CENPO: variants seen among roughly 807,000 people sequenced by gnomAD.
CENPO encodes the protein centromere protein O, also known as centromeric protein O.
CENPO carries 30 observed loss-of-function variants against 36.1 expected under a neutral mutation model. The observed-to-expected ratio is 0.83, with a 90% CI of 0.62 to 1.13. CENPO has a LOEUF of 1.13. Among genes scored for constraint, CENPO ranks in the 50% most tolerant of loss-of-function variants. The probability of loss-of-function intolerance (pLI) is 0.00; values close to 1 mark genes in which losing one functional copy is unlikely to be tolerated. For synonymous variants in CENPO, 171 were observed against 142.3 expected (o/e 1.20, Z -1.44); for missense variants, 349 against 357.8 (o/e 0.98, Z 0.20).
rs899618068 is a variant in CENPO at position 24,819,687 on chromosome 2, C to T, written c.*369C>T. ...GGGGCAAGGACGGCAGGGATTGGAA[C>T]GAGGGCTCTGGAAGGACTGTTCAGC... On this transcript the variant is annotated 3_prime_UTR_variant, in exon 8 of 8. Coordinates refer to ENST00000380834, the MANE Select transcript of CENPO (RefSeq NM_001322101.2). 8.9e-5 allele frequency: 38 copies of T among 426,356 alleles called. No homozygotes were observed. The highest frequency in any genetic ancestry group is 4.1e-5 in the African/African-American group (2 of 48,294). The allele number at this position is 426,356 out of a possible 1,614,324, so 26.4% of individuals were successfully genotyped here. A position where few individuals can be genotyped will look rare whatever the true frequency, so the allele number is the denominator to read the frequency against.
chr2:24,811,560 C>T (rs1161380603), intron 3 of CENPO, among the ~76,000 whole-genome samples: 2 of 151,956 alleles, frequency 1.3e-5, no homozygotes, highest in Non-Finnish European at 1.5e-5. Context: ...CTCCTGGGTT[C>T]ATGCCATTCT....
intron 5 of CENPO, chr2:24,816,062 G>A (rs1194147626): frequency 3.4e-5 from 13 of 378,754 alleles, no homozygotes; most frequent in East Asian, 1.2e-4. Context: ...GATTTATGGC[G>A]TGCCTACTAT....
At chr2:24,811,611 G>A (rs1366467639) in intron 3 of CENPO, among the ~76,000 whole-genome samples, 5 of 151,954 alleles carry the variant, frequency 3.3e-5, no homozygotes, top group East Asian at 3.9e-4. Context: ...ACAGGCGCCC[G>A]CCACCACGCC....
chr2:24,817,932 G>A, intron 7 of CENPO, 91 bp downstream of exon 7: 1 of 1,043,742 alleles, frequency 9.6e-7, no homozygotes. Context: ...ACACCTACCT[G>A]TTCATCTGGA....
rs551340071 is a variant in CENPO at position 24,803,684 on chromosome 2, G to A, written c.216+3840G>A. ...TGAGTTGTAGTTTGATTGCACTGTCGTCTGAGAGACAGTTTGTTATAATTT... is the reference window on the plus strand; with the variant it reads ...TGAGTTGTAGTTTGATTGCACTGTCATCTGAGAGACAGTTTGTTATAATTT... On this transcript the variant is annotated intron_variant, in intron 3 of 7. Transcript: ENST00000380834. Among the ~76,000 whole-genome samples, 14 of 152,298 alleles carry A rather than the reference G, an allele frequency of 9.2e-5. No homozygotes were observed. The South Asian group carries it at 2.3e-3, about 25-fold the overall frequency.
At chr2:24,818,264 G>C (rs1374313547) in intron 7 of CENPO, among the ~76,000 whole-genome samples, 1 of 152,158 alleles carries the variant, frequency 6.6e-6, no homozygotes, top group African/African-American at 2.4e-5. Context: ...GGCTCTCACA[G>C]AAATGTAGCA....
chr2:24,821,096 A>G lies in CENPO; in HGVS notation c.*1778A>G, dbSNP rs1667619757. ...CTCGGCATGGTAGTGGCCAGCTTCTAACACAGCTGGTATTTCAAGTCTCCT... is the reference window on the plus strand; with the variant it reads ...CTCGGCATGGTAGTGGCCAGCTTCTGACACAGCTGGTATTTCAAGTCTCCT... On this transcript the variant is annotated 3_prime_UTR_variant, in exon 8 of 8. Transcript: ENST00000380834. 7.8e-6 allele frequency: 4 copies of G among 515,298 alleles called. No homozygotes were observed. Among genetic ancestry groups the G allele is most frequent in the Admixed American group, 3.6e-5 (1 of 27,890 alleles). 31.9% of individuals were successfully genotyped at this position (515,298 alleles called of 1,614,324 possible).
At chr2:24,805,521 G>A (rs182430057) in intron 3 of CENPO, among the ~76,000 whole-genome samples, 1 of 152,284 alleles carries the variant, frequency 6.6e-6, no homozygotes, top group African/African-American at 2.4e-5. Flanking sequence ...TGTCCTTTCT[G>A]TTTGTTAGTT....
chr2:24,818,357 AGAT>A, intron 7 of CENPO, among the ~76,000 whole-genome samples: 1 of 152,208 alleles, frequency 6.6e-6, no homozygotes, highest in Non-Finnish European at 1.5e-5. Context: ...TCACTAATGA[AGAT>A]AATAAGGAAG....
At chr2:24,814,557 T>A in intron 4 of CENPO, 64 bp downstream of exon 4, 2 of 799,108 alleles carry the variant, frequency 2.5e-6, no homozygotes, top group Non-Finnish European at 4.6e-6. Context: ...GTTTGCTAGA[T>A]GTGTTATCAG....
intron 3 of CENPO, among the ~76,000 whole-genome samples, chr2:24,810,792 A>G (rs1364013995): frequency 3.3e-5 from 5 of 150,652 alleles, no homozygotes; most frequent in Non-Finnish European, 5.9e-5. Context: ...ACAGGTGTGA[A>G]CCACCGCACC....
rs1667549621 is a variant in CENPO at position 24,820,913 on chromosome 2, A to G, written c.*1595A>G. 1.3e-6 allele frequency: 2 copies of G among 1,592,382 alleles called. No homozygotes were observed. The highest frequency in any genetic ancestry group is 8.6e-7 in the Non-Finnish European group (1 of 1,168,114). On this transcript the variant is annotated 3_prime_UTR_variant, in exon 8 of 8. Transcript: ENST00000380834. ...CACCTTGTTATGGGCCTCAGAAGCC[A>G]TCTCCTCTCCAGACCTGTACCACAA...
At chr2:24,812,277 T>G (rs1480154963) in intron 3 of CENPO, among the ~76,000 whole-genome samples, 1 of 152,222 alleles carries the variant, frequency 6.6e-6, no homozygotes, top group East Asian at 1.9e-4. Context: ...GTGTGAAGTT[T>G]TGGCCTTATT....
rs372578088 is a variant in CENPO, at chr2:24,815,705, C to T, written c.543C>T (p.Cys181=). 8.0e-5 allele frequency: 129 copies of T among 1,613,836 alleles called. No homozygotes were observed. Among genetic ancestry groups the T allele is most frequent in the Non-Finnish European group, 1.1e-4 (125 of 1,179,866 alleles). The change falls in exon 5 of 8, where the codon TGC becomes TGT. Residue 181 remains cysteine, a synonymous_variant. Transcript: ENST00000380834. Reference sequence around the variant, plus strand: ...TCCAGCACTTCCTGTTCAGTCTCTGCGAGTACCTGAATGCTTACTCTGGGA... The same window carrying T: ...TCCAGCACTTCCTGTTCAGTCTCTGTGAGTACCTGAATGCTTACTCTGGGA... ...TNIQHFLFSL[C]EYLNAYSGRK... is the part of the protein sequence containing the mutation.
chr2:24,812,510 C>G (rs62140587), intron 3 of CENPO, among the ~76,000 whole-genome samples: 32,332 of 151,796 alleles, frequency 0.21, 3,516 homozygotes, highest in Non-Finnish European at 0.23. Context: ...CAGTTTTTCT[C>G]TATTTCTGGG....
At chr2:24,803,021 A>C (rs1666226146) in intron 3 of CENPO, among the ~76,000 whole-genome samples, 4 of 152,214 alleles carry the variant, frequency 2.6e-5, no homozygotes, top group Admixed American at 2.0e-4. Flanking sequence ...TTATTGGTCT[A>C]TTCAGAGGTT....
chr2:24,820,289 AAGG>A lies in CENPO; in HGVS notation c.*974_*976del, dbSNP rs1667395178. 1.6e-6 allele frequency: 2 copies of A among 1,284,794 alleles called. No homozygotes were observed. The highest frequency in any genetic ancestry group is 2.0e-6 in the Non-Finnish European group (2 of 993,654). The allele number at this position is 1,284,794 out of a possible 1,614,324, so 79.6% of individuals were successfully genotyped here. On this transcript the variant is annotated 3_prime_UTR_variant, in exon 8 of 8. Transcript: ENST00000380834. ...CCACCCGTGGCGAGCAGCGGGTGGGAAGGAGAACCCTGGAGTGACTGGCTGGGG... is the reference window on the plus strand; with the variant it reads ...CCACCCGTGGCGAGCAGCGGGTGGGAAGAACCCTGGAGTGACTGGCTGGGG...
intron 6 of CENPO, among the ~76,000 whole-genome samples, 164 bp from the exon 7 acceptor site, chr2:24,817,506 C>A (rs1667005509): frequency 7.0e-6 from 1 of 142,934 alleles, no homozygotes; most frequent in East Asian, 2.2e-4. Flanking sequence ...TCCAGAATAT[C>A]AGTGATCCAG....
At chr2:24,811,977 T>C (rs758984290) in intron 3 of CENPO, among the ~76,000 whole-genome samples, 10 of 152,232 alleles carry the variant, frequency 6.6e-5, no homozygotes, top group Non-Finnish European at 1.3e-4. Flanking sequence ...TTGTCACGTA[T>C]AGTCAACATT....
Sources: allele counts gnomAD v4.1 joint callset (sites outside exome capture counted in the v4.1 genomes callset), GRCh38; gene constraint gnomAD v4.1.1; transcripts MANE v1.5; gene names NCBI Gene and HGNC (gene_info 2026-07-23, HGNC 2026-07-21).